SLCO5A1: variants seen among roughly 807,000 people sequenced by gnomAD.
SLCO5A1 encodes the protein organic anion transporter polypeptide-related protein 4.
Under a neutral mutation model 65.1 loss-of-function variants are expected in SLCO5A1, and 39 were observed. That is an observed-to-expected ratio of 0.60 (90% CI 0.46 to 0.78). The LOEUF (loss-of-function observed/expected upper bound fraction) is 0.78, where lower values mean the gene tolerates loss of function less well. SLCO5A1 is among the 30% of genes least tolerant of loss of function. The probability of loss-of-function intolerance (pLI) is 0.00; values close to 1 mark genes in which losing one functional copy is unlikely to be tolerated. For synonymous variants in SLCO5A1, 438 were observed against 415.7 expected (o/e 1.05, Z -0.65); for missense variants, 1,029 against 1,069.4 (o/e 0.96, Z 0.53).
intron 3 of SLCO5A1, among the ~76,000 whole-genome samples, chr8:69,758,635 A>G (rs372683384): frequency 6.6e-6 from 1 of 152,220 alleles, no homozygotes; most frequent in African/African-American, 2.4e-5. Context: ...ACAAAAAAAT[A>G]CAAAAATAAT....
chr8:69,738,384 G>T (rs373861404), intron 4 of SLCO5A1, among the ~76,000 whole-genome samples, 180 bp from the exon 5 acceptor site: 1 of 143,466 alleles, frequency 7.0e-6, no homozygotes, highest in Admixed American at 7.0e-5. Context: ...ATTTTCTTTT[G>T]TTTTTTTTTT....
rs563651874 is a variant in SLCO5A1 at position 69,812,382 on chromosome 8, G to C, written c.907+19385C>G. On this transcript the variant is annotated intron_variant, in intron 2 of 9. Coordinates refer to ENST00000260126, the MANE Select transcript of SLCO5A1 (RefSeq NM_030958.3). ...GAGGTCCTGAAAGATTACGTGATCT[G>C]GTCAAAGTCATGTCAGTAATTGTGG... Among the ~76,000 whole-genome samples the C allele has an allele frequency of 6.6e-5, 10 of 152,296 alleles. No individual in the cohort carries two copies. The South Asian group carries it at 2.1e-3, about 32-fold the overall frequency.
chr8:69,812,909 T>G (rs1484493647), intron 2 of SLCO5A1, among the ~76,000 whole-genome samples: 4 of 152,236 alleles, frequency 2.6e-5, no homozygotes, highest in Admixed American at 6.5e-5. Context: ...AGATTTTTCA[T>G]CTTGTTAAAA....
At chr8:69,803,470 C>G (rs1050536290) in intron 2 of SLCO5A1, among the ~76,000 whole-genome samples, 1 of 151,910 alleles carries the variant, frequency 6.6e-6, no homozygotes, top group Admixed American at 6.6e-5. Context: ...CCCAGCTACT[C>G]GAGAGGCTAA....
At position 69,754,670 on chromosome 8, in the gene SLCO5A1, T is replaced by C. The variant is rs999738734; in HGVS notation, c.1258+754A>G. Among the ~76,000 whole-genome samples the C allele has an allele frequency of 2.6e-5, 4 of 152,244 alleles. No homozygotes were observed. In the South Asian group the frequency reaches 6.2e-4, roughly 24 times the overall value. On this transcript the variant is annotated intron_variant, in intron 4 of 9. Transcript: ENST00000260126. Reference sequence around the variant, plus strand: ...GGGACTTATTGTCATTCAACAGATATATGAAATACTGAACAAATATTGTCT... The same window carrying C: ...GGGACTTATTGTCATTCAACAGATACATGAAATACTGAACAAATATTGTCT...
In SLCO5A1 at chr8:69,672,821, G is replaced by T; in HGVS notation, c.*48C>A. On this transcript the variant is annotated 3_prime_UTR_variant, in exon 10 of 10. Coordinates refer to ENST00000260126, the MANE Select transcript of SLCO5A1 (RefSeq NM_030958.3). ...AGAAGGCACAGTTGTTTCTCAAGTC[G>T]CCATTTTCAATTCAACCAACAAAAC... 6.5e-7 allele frequency: 1 copy of T among 1,547,838 alleles called. No homozygotes were observed. Among genetic ancestry groups the T allele is most frequent in the African/African-American group, 1.4e-5 (1 of 72,290 alleles).
chr8:69,780,624 G>C (rs1818752714), intron 2 of SLCO5A1, among the ~76,000 whole-genome samples: 1 of 152,194 alleles, frequency 6.6e-6, no homozygotes, highest in Non-Finnish European at 1.5e-5. Context: ...GTAGACTGTG[G>C]AATGATAGAA....
intron 5 of SLCO5A1, among the ~76,000 whole-genome samples, chr8:69,731,211 G>A (rs1816324213): frequency 1.3e-5 from 2 of 152,126 alleles, no homozygotes; most frequent in Non-Finnish European, 2.9e-5. Context: ...TGCTGGCCAG[G>A]CTAGTCTCAA....
intron 2 of SLCO5A1, among the ~76,000 whole-genome samples, chr8:69,767,919 A>AAAAAAAG (rs1563712367): frequency 1.1e-5 from 1 of 90,698 alleles, no homozygotes; most frequent in African/African-American, 8.3e-5. Context: ...AAACAAAAAG[A>AAAAAAAG]AAAAGAAAAA....
chr8:69,806,938 T>C (rs1820017961), intron 2 of SLCO5A1, among the ~76,000 whole-genome samples: 1 of 152,256 alleles, frequency 6.6e-6, no homozygotes, highest in Non-Finnish European at 1.5e-5. Context: ...ACAGATTCAA[T>C]GCTATTCCTA....
intron 8 of SLCO5A1, among the ~76,000 whole-genome samples, chr8:69,678,476 T>C (rs529339661): frequency 6.6e-6 from 1 of 152,200 alleles, no homozygotes; most frequent in Admixed American, 6.5e-5. Context: ...AATTAATCAC[T>C]TATGTCTTTA....
At chr8:69,679,713 A>ATTATTT in intron 7 of SLCO5A1, 94 bp from the exon 8 acceptor site, 1 of 1,499,406 alleles carries the variant, frequency 6.7e-7, no homozygotes, top group Non-Finnish European at 9.0e-7. Context: ...GTACTCTAAA[A>ATTATTT]TAGCTCAAAT....
chr8:69,710,654 C>T (rs897712349), intron 5 of SLCO5A1, among the ~76,000 whole-genome samples: 1 of 152,182 alleles, frequency 6.6e-6, no homozygotes, highest in Non-Finnish European at 1.5e-5. Flanking sequence ...GGATACTGTA[C>T]TACAGCCTCA....
intron 2 of SLCO5A1, among the ~76,000 whole-genome samples, chr8:69,765,137 T>C (rs1817998058): frequency 6.6e-6 from 1 of 152,174 alleles, no homozygotes; most frequent in African/African-American, 2.4e-5. Context: ...CCTGTGTGTA[T>C]ATATATGTAT....
intron 2 of SLCO5A1, among the ~76,000 whole-genome samples, chr8:69,782,107 C>A (rs1317002836): frequency 6.6e-6 from 1 of 152,034 alleles, no homozygotes; most frequent in Non-Finnish European, 1.5e-5. Context: ...GGACAAATAC[C>A]TAATGCATGT....
intron 6 of SLCO5A1, among the ~76,000 whole-genome samples, chr8:69,687,923 G>C (rs1222889377): frequency 6.6e-6 from 1 of 151,672 alleles, no homozygotes; most frequent in Non-Finnish European, 1.5e-5. Context: ...GGTAAACTTG[G>C]TCCTAAGTTT....
intron 2 of SLCO5A1, among the ~76,000 whole-genome samples, chr8:69,777,880 C>T (rs1256902120): frequency 6.6e-6 from 1 of 152,204 alleles, no homozygotes; most frequent in Non-Finnish European, 1.5e-5. Flanking sequence ...CAACTGTCAA[C>T]TGTGCCTACG....
intron 2 of SLCO5A1, among the ~76,000 whole-genome samples, chr8:69,821,606 C>T (rs1386120602): frequency 6.6e-6 from 1 of 151,532 alleles, no homozygotes; most frequent in Non-Finnish European, 1.5e-5. Context: ...GCTAGGAGTT[C>T]AAGAACAGCC....
At chr8:69,695,825 A>C (rs950431579) in intron 6 of SLCO5A1, among the ~76,000 whole-genome samples, 4 of 152,202 alleles carry the variant, frequency 2.6e-5, no homozygotes, top group African/African-American at 9.7e-5. Context: ...TGGAAGAAAG[A>C]AGTTCAGAAA....
Sources: allele counts gnomAD v4.1 joint callset (sites outside exome capture counted in the v4.1 genomes callset), GRCh38; gene constraint gnomAD v4.1.1; transcripts MANE v1.5; gene names NCBI Gene and HGNC (gene_info 2026-07-23, HGNC 2026-07-21).